Variants in DCAF8L2 observed in about 807,000 individuals in gnomAD.
DCAF8L2 encodes DDB1 and CUL4 associated factor 8 like 2.
For missense variants in DCAF8L2, 430 were observed against 490.7 expected, an observed-to-expected ratio of 0.88 and a Z score of 1.17; for synonymous variants, 200 against 190.9, an observed-to-expected ratio of 1.05 and a Z score of -0.39.
rs1462462969 is a variant in DCAF8L2, at chrX:27,611,447, C to CAT, written c.-341-20421_-341-20420dup. Reference sequence around the variant, plus strand: ...ATTTTTGCAATCTACCCATCTGACCCATATATATATATGTACTTTAAGTTC... The same window carrying CAT: ...ATTTTTGCAATCTACCCATCTGACCCATATATATATATATGTACTTTAAGTTC... On this transcript the variant is annotated intron_variant, in intron 1 of 4. Coordinates refer to ENST00000451261, the MANE Select transcript of DCAF8L2 (RefSeq NM_001353450.2). 6.5e-5 allele frequency among the ~76,000 whole-genome samples: 7 copies of CAT among 108,362 alleles called. No individual in the cohort carries two copies. The South Asian group carries it at 1.2e-3, about 19-fold the overall frequency. 94.1% of individuals were successfully genotyped at this position (108,362 alleles called of 115,157 possible). A position where few individuals can be genotyped will look rare whatever the true frequency, so the allele number is the denominator to read the frequency against.
the DCAF8L2 span, among the ~76,000 whole-genome samples, chrX:27,514,338 T>C: frequency 1.8e-5 from 2 of 108,844 alleles, no homozygotes; most frequent in Admixed American, 9.8e-5. Context: ...TCATTTGTCA[T>C]ACACACACAC....
chrX:27,681,643 G>A (rs1930332938), intron 3 of DCAF8L2, among the ~76,000 whole-genome samples: 1 of 111,646 alleles, frequency 9.0e-6, no homozygotes, highest in Non-Finnish European at 1.9e-5. Context: ...TTATGTGATT[G>A]GATTAAAATT....
chrX:27,592,590 C>A (rs1485506200), intron 1 of DCAF8L2, among the ~76,000 whole-genome samples: 1 of 108,975 alleles, frequency 9.2e-6, no homozygotes, highest in Non-Finnish European at 1.9e-5. Flanking sequence ...GGGCATGTCA[C>A]CATGACAGGA....
In DCAF8L2 at chrX:27,673,369, G is replaced by A. The variant is rs762343664; in HGVS notation, c.-219-4467G>A. On this transcript the variant is annotated intron_variant, in intron 2 of 4. Coordinates refer to ENST00000451261, the MANE Select transcript of DCAF8L2 (RefSeq NM_001353450.2). ...CTAAAAATACAAAAATTAGCCGGGC[G>A]TGGTGGCAGTTGCCTGTAGTCCCAG... Among the ~76,000 whole-genome samples the A allele has an allele frequency of 1.0e-4, 11 of 107,598 alleles. No individual in the cohort carries two copies. In the East Asian group the frequency reaches 1.2e-3, roughly 11 times the overall value. 93.4% of individuals were successfully genotyped at this position (107,598 alleles called of 115,157 possible).
At chrX:27,731,439 A>G (rs1018477447) in intron 4 of DCAF8L2, among the ~76,000 whole-genome samples, 5 of 111,106 alleles carry the variant, frequency 4.5e-5, no homozygotes, top group Non-Finnish European at 7.5e-5. Context: ...CAAAACCCAG[A>G]CATTTACTTC....
chrX:27,688,205 G>T (rs1305294501), intron 3 of DCAF8L2, among the ~76,000 whole-genome samples: 2 of 111,891 alleles, frequency 1.8e-5, no homozygotes, highest in Non-Finnish European at 3.8e-5. Context: ...GGCTCATGAT[G>T]ATGAAGTTTA....
chrX:27,599,944 G>T (rs959697059), intron 1 of DCAF8L2, among the ~76,000 whole-genome samples: 2 of 111,874 alleles, frequency 1.8e-5, no homozygotes, highest in African/African-American at 6.5e-5. Context: ...ACATCTTTAC[G>T]AAAAGAAAAA....
At chrX:27,657,612 A>C (rs993534290) in intron 2 of DCAF8L2, among the ~76,000 whole-genome samples, 4 of 112,071 alleles carry the variant, frequency 3.6e-5, no homozygotes, top group Non-Finnish European at 5.6e-5. Flanking sequence ...ATGAGTAAGG[A>C]TAGAGCATAA....
the DCAF8L2 span, among the ~76,000 whole-genome samples, chrX:27,581,472 G>T: frequency 9.0e-6 from 1 of 111,224 alleles, no homozygotes; most frequent in African/African-American, 3.3e-5. Flanking sequence ...GTTGATTCTG[G>T]GTATTTTCAT....
chrX:27,692,649 T>G (rs945140710), intron 3 of DCAF8L2, among the ~76,000 whole-genome samples: 3 of 111,988 alleles, frequency 2.7e-5, no homozygotes, highest in Admixed American at 9.5e-5. Context: ...GTTTCATGAC[T>G]CTAAGCAGTG....
chrX:27,543,622 A>G, the DCAF8L2 span, among the ~76,000 whole-genome samples: 2 of 111,560 alleles, frequency 1.8e-5, no homozygotes, highest in African/African-American at 6.5e-5. Flanking sequence ...AAAGTCAAAC[A>G]GGGTAGGTCA....
At chrX:27,688,464 T>G (rs908755459) in intron 3 of DCAF8L2, among the ~76,000 whole-genome samples, 6 of 112,042 alleles carry the variant, frequency 5.4e-5, no homozygotes, top group African/African-American at 1.9e-4. Flanking sequence ...TTATTTTGTA[T>G]TCATACAATG....
the DCAF8L2 span, among the ~76,000 whole-genome samples, chrX:27,493,197 C>T: frequency 9.0e-6 from 1 of 111,612 alleles, no homozygotes; most frequent in Non-Finnish European, 1.9e-5. Context: ...GTTGTGATCA[C>T]ACCACTGCAA....
At chrX:27,625,361 G>T (rs1927960299) in intron 1 of DCAF8L2, among the ~76,000 whole-genome samples, 1 of 111,812 alleles carries the variant, frequency 8.9e-6, no homozygotes, top group African/African-American at 3.3e-5. Flanking sequence ...TGCTGGTGAG[G>T]TTATAGAGAA....
the DCAF8L2 span, among the ~76,000 whole-genome samples, chrX:27,570,659 A>C: frequency 2.7e-5 from 3 of 111,833 alleles, no homozygotes; most frequent in African/African-American, 6.5e-5. Flanking sequence ...AAGCCTCTGC[A>C]GCAACCAAAA....
the DCAF8L2 span, among the ~76,000 whole-genome samples, chrX:27,569,988 G>A: frequency 9.0e-6 from 1 of 111,625 alleles, no homozygotes; most frequent in East Asian, 2.8e-4. Context: ...TCAACTTTTT[G>A]AAGCTTAAAA....
chrX:27,482,001 T>C, the DCAF8L2 span, among the ~76,000 whole-genome samples: 1 of 111,801 alleles, frequency 8.9e-6, no homozygotes, highest in Non-Finnish European at 1.9e-5. Context: ...AGATAAGCAT[T>C]TCCATTCTAA....
chrX:27,589,993 T>C (rs963796797), upstream of DCAF8L2, among the ~76,000 whole-genome samples: 64 of 111,956 alleles, frequency 5.7e-4, 1 homozygote, highest in African/African-American at 2.0e-3. Flanking sequence ...TGCATGGACA[T>C]GAGCAGTGCT....
At chrX:27,573,334 C>T in the DCAF8L2 span, among the ~76,000 whole-genome samples, 1 of 109,121 alleles carries the variant, frequency 9.2e-6, no homozygotes, top group African/African-American at 3.3e-5. Context: ...TGACAGGGGA[C>T]AGTTGATGTG....
Sources: allele counts gnomAD v4.1 joint callset (sites outside exome capture counted in the v4.1 genomes callset), GRCh38; gene constraint gnomAD v4.1.1; transcripts MANE v1.5; gene names NCBI Gene and HGNC (gene_info 2026-07-23, HGNC 2026-07-21).